KLHL3: variants seen among roughly 807,000 people sequenced by gnomAD.
The protein encoded by KLHL3 is kelch-like protein 3.
KLHL3 carries 19 observed loss-of-function variants against 70.5 expected under a neutral mutation model. The ratio of observed to expected loss-of-function variants is 0.27; its 90% CI spans 0.19 to 0.40. KLHL3 has a LOEUF of 0.40. Ranked by LOEUF, KLHL3 falls within the 10% of genes least tolerant of loss-of-function variation. KLHL3 has a pLI of 1.00. For synonymous variants in KLHL3, 258 were observed against 290.3 expected, an observed-to-expected ratio of 0.89 and a Z score of 1.13; for missense variants, 512 against 771.1, an observed-to-expected ratio of 0.66 and a Z score of 3.98.
chr5:137,722,406 A>G (rs1753013401), intron 1 of KLHL3, among the ~76,000 whole-genome samples: 1 of 152,182 alleles, frequency 6.6e-6, no homozygotes, highest in Non-Finnish European at 1.5e-5. Flanking sequence ...AGCTGAGCAG[A>G]GGAAGATATG....
rs983267255 is a variant in KLHL3, at chr5:137,618,721, C to T, written c.*3377G>A. 9 of 149,646 alleles carry T rather than the reference C, an allele frequency of 6.0e-5. No homozygotes were observed. The highest frequency in any genetic ancestry group is 4.2e-4 in the South Asian group (2 of 4,732). The allele number at this position is 149,646 out of a possible 1,614,324, so 9.3% of individuals were successfully genotyped here. A position where few individuals can be genotyped will look rare whatever the true frequency, so the allele number is the denominator to read the frequency against. ...CAGTGCCCGTCAGTGGGAGCCACCA[C>T]GAGACAGCCCGGCCTCACCCCCACA... On this transcript the variant is annotated 3_prime_UTR_variant, in exon 15 of 15. Transcript: ENST00000309755.
intron 6 of KLHL3, among the ~76,000 whole-genome samples, chr5:137,675,207 C>T (rs1254123047): frequency 6.6e-6 from 1 of 152,122 alleles, no homozygotes; most frequent in Non-Finnish European, 1.5e-5. Flanking sequence ...TCTGGCTATA[C>T]AGAAAGAGCA....
chr5:137,733,919 G>A (rs1753219402), intron 1 of KLHL3, among the ~76,000 whole-genome samples: 1 of 152,206 alleles, frequency 6.6e-6, no homozygotes, highest in African/African-American at 2.4e-5. Flanking sequence ...GTGACCTGGT[G>A]AACATTGGAA....
chr5:137,704,573 G>C (rs1372520466), intron 3 of KLHL3, among the ~76,000 whole-genome samples: 1 of 152,156 alleles, frequency 6.6e-6, no homozygotes, highest in Non-Finnish European at 1.5e-5. Flanking sequence ...CTTACCAATA[G>C]TTTATCTCCA....
chr5:137,673,000 A>G (rs916069730), intron 6 of KLHL3: 1 of 152,178 alleles, frequency 6.6e-6, no homozygotes, highest in African/African-American at 2.4e-5. Context: ...TGATAGATGC[A>G]CCTGACAGCA....
At chr5:137,659,600 G>A (rs1421197767) in intron 7 of KLHL3, among the ~76,000 whole-genome samples, 1 of 152,142 alleles carries the variant, frequency 6.6e-6, no homozygotes, top group Non-Finnish European at 1.5e-5. Flanking sequence ...GGGTGGGAGA[G>A]GATGCCTGAA....
At chr5:137,734,023 C>T (rs1253873320) in intron 1 of KLHL3, among the ~76,000 whole-genome samples, 1 of 152,186 alleles carries the variant, frequency 6.6e-6, no homozygotes, top group Non-Finnish European at 1.5e-5. Context: ...CCATAGACAT[C>T]AGCCATCCCA....
intron 4 of KLHL3, among the ~76,000 whole-genome samples, chr5:137,695,611 C>G (rs189474147): frequency 2.0e-5 from 3 of 152,250 alleles, no homozygotes; most frequent in African/African-American, 7.2e-5. Flanking sequence ...GACACAAGTA[C>G]AAAATACATT....
chr5:137,683,634 C>A (rs1347728774), intron 5 of KLHL3, among the ~76,000 whole-genome samples: 1 of 152,146 alleles, frequency 6.6e-6, no homozygotes, highest in East Asian at 1.9e-4. Flanking sequence ...AGCCCTCAGA[C>A]TCTAAATATT....
chr5:137,714,707 A>G (rs963702614), intron 2 of KLHL3, among the ~76,000 whole-genome samples: 5 of 152,210 alleles, frequency 3.3e-5, no homozygotes, highest in African/African-American at 1.2e-4. Flanking sequence ...AAAATATTCT[A>G]AGATTGTGGT....
At chr5:137,662,245 AC>A (rs1751498520) in intron 6 of KLHL3, among the ~76,000 whole-genome samples, 1 of 60,554 alleles carries the variant, frequency 1.7e-5, no homozygotes, top group Non-Finnish European at 3.0e-5. Flanking sequence ...CACTCTACAC[AC>A]ACACACACAC....
rs1322977267 is a variant in KLHL3 at position 137,618,650 on chromosome 5, G to A, written c.*3448C>T. ...ACACTATGGGAGTATGTGCTGGGGG[G>A]GCAGGCCTTTCCCTGAGGCTTCTCC... On this transcript the variant is annotated 3_prime_UTR_variant, in exon 15 of 15. Coordinates refer to ENST00000309755, the MANE Select transcript of KLHL3 (RefSeq NM_017415.3). 2 of 152,022 alleles carry A rather than the reference G, an allele frequency of 1.3e-5. No homozygotes were observed. The highest frequency in any genetic ancestry group is 2.9e-5 in the Non-Finnish European group (2 of 68,006). The allele number at this position is 152,022 out of a possible 1,614,324, so 9.4% of individuals were successfully genotyped here. A position where few individuals can be genotyped will look rare whatever the true frequency, so the allele number is the denominator to read the frequency against.
chr5:137,677,521 T>C (rs2149907367), intron 6 of KLHL3, 24 bp downstream of exon 6: 1 of 1,413,588 alleles, frequency 7.1e-7, no homozygotes, highest in Non-Finnish European at 9.8e-7. Flanking sequence ...GAGGTTCCCG[T>C]TTCCCCAGTG....
intron 1 of KLHL3, among the ~76,000 whole-genome samples, chr5:137,731,801 C>CT (rs1312278382): frequency 6.6e-6 from 1 of 152,150 alleles, no homozygotes; most frequent in Non-Finnish European, 1.5e-5. Context: ...TTGTGGTGCT[C>CT]TGTAACTCTT....
chr5:137,701,125 C>T (rs182034556), intron 3 of KLHL3, among the ~76,000 whole-genome samples: 10 of 152,194 alleles, frequency 6.6e-5, no homozygotes, highest in East Asian at 3.9e-4. Flanking sequence ...CTCTGCCTCC[C>T]GTGTTCAAGT....
chr5:137,668,929 A>C (rs1309156967), intron 6 of KLHL3, among the ~76,000 whole-genome samples: 1 of 149,938 alleles, frequency 6.7e-6, no homozygotes, highest in East Asian at 1.9e-4. Context: ...CCACTGGCTG[A>C]GCGATGTCCT....
At chr5:137,688,381 T>A (rs557969820) in intron 5 of KLHL3, among the ~76,000 whole-genome samples, 1 of 152,156 alleles carries the variant, frequency 6.6e-6, no homozygotes, top group African/African-American at 2.4e-5. Context: ...ACAGGCTCCA[T>A]GTGTCTGGGA....
intron 8 of KLHL3, among the ~76,000 whole-genome samples, chr5:137,656,574 T>C (rs1283220147): frequency 6.6e-6 from 1 of 152,260 alleles, no homozygotes; most frequent in Admixed American, 6.5e-5. Flanking sequence ...CATATGTCTA[T>C]AATTAAAGAA....
intron 5 of KLHL3, among the ~76,000 whole-genome samples, chr5:137,682,403 TAGAGAGAGAGAGAG>T (rs10578622): frequency 7.5e-6 from 1 of 133,374 alleles, no homozygotes; most frequent in Non-Finnish European, 1.6e-5. Context: ...GTGCTGGACA[TAGAGAGAGAGAGAG>T]AGAGAGAGAG....
Sources: gnomAD v4.1 joint callset for allele counts (sites outside exome capture counted in the v4.1 genomes callset) on GRCh38, gnomAD v4.1.1 for gene constraint, MANE v1.5 for transcripts, NCBI Gene and HGNC (gene_info 2026-07-23, HGNC 2026-07-21) for gene names.